KCNN2: variants seen among roughly 807,000 people sequenced by gnomAD.
The protein encoded by KCNN2 is small conductance calcium-activated potassium channel protein 2.
KCNN2 carries 24 observed loss-of-function variants against 55.5 expected under a neutral mutation model. The ratio of observed to expected loss-of-function variants is 0.43; its 90% CI spans 0.31 to 0.61. The LOEUF is 0.61. Among genes scored for constraint, KCNN2 ranks in the 20% least tolerant of loss-of-function variants. The pLI, the probability that KCNN2 is intolerant of heterozygous loss-of-function variation, is 0.08. For missense variants in KCNN2, 754 were observed against 853.6 expected, an observed-to-expected ratio of 0.88 and a Z score of 1.45; for synonymous variants, 431 against 336.1, an observed-to-expected ratio of 1.28 and a Z score of -3.09.
chr5:114,087,912 T>C (rs543221672), intron 1 of KCNN2, among the ~76,000 whole-genome samples: 1 of 152,240 alleles, frequency 6.6e-6, no homozygotes, highest in East Asian at 1.9e-4. Flanking sequence ...TAATTCCTTA[T>C]GCTATTCTCA....
intron 1 of KCNN2, among the ~76,000 whole-genome samples, chr5:114,161,165 G>A (rs939212483): frequency 3.3e-5 from 5 of 152,190 alleles, no homozygotes; most frequent in African/African-American, 9.7e-5. Context: ...TCCATGTTTA[G>A]CGCTTCCTTC....
chr5:114,447,820 G>T (rs982178298), intron 3 of KCNN2, among the ~76,000 whole-genome samples: 4 of 152,166 alleles, frequency 2.6e-5, no homozygotes, highest in Non-Finnish European at 5.9e-5. Flanking sequence ...CGAAGGGTGC[G>T]CTTTTTCCTT....
chr5:114,355,276 G>A (rs1432854687), intron 2 of KCNN2, among the ~76,000 whole-genome samples: 4 of 152,220 alleles, frequency 2.6e-5, no homozygotes, highest in East Asian at 3.9e-4. Flanking sequence ...AATAACACAC[G>A]GAAAGAGAAC....
chr5:114,093,025 T>A (rs1169757357), intron 1 of KCNN2, among the ~76,000 whole-genome samples: 2 of 152,222 alleles, frequency 1.3e-5, no homozygotes, highest in African/African-American at 4.8e-5. Flanking sequence ...CTTGAATTTC[T>A]CCCTAGAAAA....
intron 1 of KCNN2, among the ~76,000 whole-genome samples, chr5:114,098,617 C>T (rs550507532): frequency 1.3e-5 from 2 of 151,950 alleles, no homozygotes; most frequent in Non-Finnish European, 2.9e-5. Flanking sequence ...TTCCCCCAAC[C>T]ATGTCCGTGA....
intron 3 of KCNN2, among the ~76,000 whole-genome samples, chr5:114,453,477 A>C (rs977887781): frequency 6.6e-6 from 1 of 152,228 alleles, no homozygotes; most frequent in African/African-American, 2.4e-5. Context: ...GTCATCTGCC[A>C]TGACTTAGGT....
chr5:114,226,934 G>A (rs1051963811), intron 2 of KCNN2, among the ~76,000 whole-genome samples: 8 of 150,746 alleles, frequency 5.3e-5, no homozygotes, highest in Non-Finnish European at 8.9e-5. Context: ...AATATTGATA[G>A]GTCAAATAAC....
At chr5:114,109,295 A>G (rs1332533346) in intron 1 of KCNN2, among the ~76,000 whole-genome samples, 2 of 152,130 alleles carry the variant, frequency 1.3e-5, no homozygotes, top group Admixed American at 1.3e-4. Context: ...AGCAATGAAG[A>G]GAATCAGTCA....
chr5:114,254,657 T>G (rs1317488218), intron 2 of KCNN2, among the ~76,000 whole-genome samples: 2 of 152,192 alleles, frequency 1.3e-5, no homozygotes, highest in African/African-American at 4.8e-5. Flanking sequence ...TAGTGTGCTT[T>G]TCTGTATTTT....
intron 5 of KCNN2, among the ~76,000 whole-genome samples, chr5:114,479,925 G>A (rs1193106957): frequency 6.6e-6 from 1 of 151,880 alleles, no homozygotes; most frequent in African/African-American, 2.4e-5. Flanking sequence ...CACACCAAAA[G>A]CCAGAAAGAT....
At chr5:114,340,055 G>A (rs1245058513) in intron 2 of KCNN2, among the ~76,000 whole-genome samples, 2 of 152,008 alleles carry the variant, frequency 1.3e-5, no homozygotes, top group Non-Finnish European at 2.9e-5. Flanking sequence ...TTTGAATTCA[G>A]GACTTTCTAT....
intron 3 of KCNN2, among the ~76,000 whole-genome samples, chr5:114,459,193 T>C (rs779630491): frequency 6.6e-6 from 1 of 152,244 alleles, no homozygotes; most frequent in Admixed American, 6.5e-5. Flanking sequence ...TCTTTGTCTC[T>C]GAAGCATGCA....
chr5:114,158,037 G>A (rs982105316), intron 1 of KCNN2, among the ~76,000 whole-genome samples: 7 of 152,100 alleles, frequency 4.6e-5, no homozygotes, highest in Admixed American at 3.9e-4. Flanking sequence ...TTTGGCTTTC[G>A]TTGCCTTTGC....
At chr5:114,161,331 C>T (rs368646775) in intron 1 of KCNN2, among the ~76,000 whole-genome samples, 7 of 146,246 alleles carry the variant, frequency 4.8e-5, no homozygotes, top group African/African-American at 1.8e-4. Context: ...ATATTGGCCC[C>T]CACTCTCTCC....
At chr5:114,374,974 C>T (rs575714506) in intron 2 of KCNN2, among the ~76,000 whole-genome samples, 1 of 152,116 alleles carries the variant, frequency 6.6e-6, no homozygotes, top group Non-Finnish European at 1.5e-5. Flanking sequence ...AGGAGGCTTT[C>T]GTTTTCCAGG....
Position 114,277,922 on chromosome 5 carries a change from T to C in KCNN2, c.-185+56357T>C, listed in dbSNP as rs149799054. Among the ~76,000 whole-genome samples, 1,173 of 152,214 alleles carry C rather than the reference T, an allele frequency of 7.7e-3. 10 individuals are homozygous for C. Among genetic ancestry groups the C allele is most frequent in the African/African-American group, 0.027 (1,120 of 41,532 alleles). On this transcript the variant is annotated intron_variant, in intron 2 of 10. Transcript: ENST00000512097. ...TTCCTTTGGAGGAGAAAAGGCATTC[T>C]GGTTTTTGGAATTTTCAGCCTTTTT...
rs532318935 is a variant in KCNN2, at chr5:114,415,222, G to C, written c.1637+10366G>C. Among the ~76,000 whole-genome samples the C allele has an allele frequency of 3.7e-4, 56 of 152,280 alleles. 1 individual carries two copies. In the South Asian group the frequency reaches 6.4e-3, roughly 17 times the overall value. Reference sequence around the variant, plus strand: ...CAATTTGGTCACTCATTCACCAGTTGATCTACATTTAGTTTGTTTTCTGTT... The same window carrying C: ...CAATTTGGTCACTCATTCACCAGTTCATCTACATTTAGTTTGTTTTCTGTT... On this transcript the variant is annotated intron_variant, in intron 3 of 7. Coordinates refer to ENST00000673685, the MANE Select transcript of KCNN2 (RefSeq NM_021614.4).
At chr5:114,175,480 A>T (rs901074014) in intron 1 of KCNN2, among the ~76,000 whole-genome samples, 1 of 152,148 alleles carries the variant, frequency 6.6e-6, no homozygotes, top group Non-Finnish European at 1.5e-5. Flanking sequence ...ATATGGTGGG[A>T]TCTGCATCAC....
intron 2 of KCNN2, among the ~76,000 whole-genome samples, chr5:114,321,857 A>T (rs1011821437): frequency 1.3e-4 from 19 of 151,954 alleles, no homozygotes; most frequent in Admixed American, 1.0e-3. Flanking sequence ...TTTAGTAGAG[A>T]CGGGGTTTCA....
Sources: gnomAD v4.1 joint callset for allele counts (sites outside exome capture counted in the v4.1 genomes callset) on GRCh38, gnomAD v4.1.1 for gene constraint, MANE v1.5 for transcripts, NCBI Gene and HGNC (gene_info 2026-07-23, HGNC 2026-07-21) for gene names.